The following SPMIP3 variants were observed in gnomAD, a reference collection of about 807,000 sequenced individuals.
SPMIP3 encodes the protein protein SPMIP3.
chr1:244,359,885 C>T, the SPMIP3 span, among the ~76,000 whole-genome samples: 65,003 of 151,682 alleles, frequency 0.43, 14,284 homozygotes, highest in Middle Eastern at 0.53. Context: ...CCGAGGCTGG[C>T]GGATCACAAG....
At chr1:244,355,677 C>T in the SPMIP3 span, among the ~76,000 whole-genome samples, 43 of 152,290 alleles carry the variant, frequency 2.8e-4, no homozygotes, top group Non-Finnish European at 5.4e-4. Flanking sequence ...TGAGCCACCG[C>T]GCCCAGCCCC....
the SPMIP3 span, among the ~76,000 whole-genome samples, chr1:244,377,514 C>T: frequency 6.6e-6 from 1 of 152,214 alleles, no homozygotes; most frequent in African/African-American, 2.4e-5. Flanking sequence ...AGTTGTCCCA[C>T]TCTTTTTATT....
At chr1:244,360,542 ACACACACACACACACATGCATG>A in the SPMIP3 span, among the ~76,000 whole-genome samples, 72 of 62,696 alleles carry the variant, frequency 1.1e-3, 2 homozygotes, top group Admixed American at 2.4e-3. Flanking sequence ...ACACACACAC[ACACACACACACACACATGCATG>A]CATGGAATAT....
chr1:244,387,711 G>A, the SPMIP3 span, among the ~76,000 whole-genome samples: 1 of 152,168 alleles, frequency 6.6e-6, no homozygotes, highest in Non-Finnish European at 1.5e-5. Context: ...ATTACAGCAG[G>A]AGTGTAAGGA....
the SPMIP3 span, among the ~76,000 whole-genome samples, chr1:244,355,464 T>G: frequency 6.6e-6 from 1 of 151,298 alleles, no homozygotes; most frequent in Non-Finnish European, 1.5e-5. Context: ...CTCGGCTCAC[T>G]GCAACCTCTG....
chr1:244,382,600 G>GTTTTTTTTTT, the SPMIP3 span, among the ~76,000 whole-genome samples: 1 of 106,072 alleles, frequency 9.4e-6, no homozygotes. Context: ...TCTGGCTGCT[G>GTTTTTTTTTT]TTTTTTTTTT....
At chr1:244,370,793 C>T in the SPMIP3 span, among the ~76,000 whole-genome samples, 1 of 152,170 alleles carries the variant, frequency 6.6e-6, no homozygotes, top group Non-Finnish European at 1.5e-5. Flanking sequence ...GTTTGGAGAA[C>T]TGGGTTTGAT....
At chr1:244,375,946 C>T in the SPMIP3 span, among the ~76,000 whole-genome samples, 1 of 152,200 alleles carries the variant, frequency 6.6e-6, no homozygotes, top group Non-Finnish European at 1.5e-5. Flanking sequence ...GGATTACAGG[C>T]ATGAGCCATT....
At chr1:244,362,510 T>A in the SPMIP3 span, among the ~76,000 whole-genome samples, 1 of 152,250 alleles carries the variant, frequency 6.6e-6, no homozygotes, top group African/African-American at 2.4e-5. Flanking sequence ...TAATCCATGA[T>A]TGTCAATAGG....
chr1:244,369,829 A>T, the SPMIP3 span, among the ~76,000 whole-genome samples: 2 of 146,968 alleles, frequency 1.4e-5, no homozygotes, highest in African/African-American at 5.3e-5. Context: ...CTAATCTTTT[A>T]TTATGTAGAT....
the SPMIP3 span, among the ~76,000 whole-genome samples, chr1:244,361,476 A>T: frequency 6.6e-6 from 1 of 151,642 alleles, no homozygotes; most frequent in African/African-American, 2.4e-5. Context: ...TCATCTGCCC[A>T]CCTCGGCCTC....
At chr1:244,362,200 A>G in the SPMIP3 span, among the ~76,000 whole-genome samples, 17 of 152,352 alleles carry the variant, frequency 1.1e-4, no homozygotes, top group East Asian at 3.1e-3. Context: ...ACCGTTGTCT[A>G]TGAAAGGGAA....
the SPMIP3 span, among the ~76,000 whole-genome samples, chr1:244,381,519 A>C: frequency 6.6e-6 from 1 of 152,192 alleles, no homozygotes; most frequent in Non-Finnish European, 1.5e-5. Context: ...ACCACCTGCT[A>C]TGTATTGTGC....
At chr1:244,378,749 G>T in the SPMIP3 span, 1 of 1,215,774 alleles carries the variant, frequency 8.2e-7, no homozygotes, top group Non-Finnish European at 1.2e-6. Flanking sequence ...GACCAGTCGA[G>T]TTGGAGGCAT....
At chr1:244,370,893 CAG>C in the SPMIP3 span, among the ~76,000 whole-genome samples, 1 of 152,068 alleles carries the variant, frequency 6.6e-6, no homozygotes, top group African/African-American at 2.4e-5. Flanking sequence ...TCTTATAAAG[CAG>C]AGAGTTAATC....
chr1:244,356,926 T>C, the SPMIP3 span, among the ~76,000 whole-genome samples: 1 of 144,058 alleles, frequency 6.9e-6, no homozygotes, highest in East Asian at 2.0e-4. Context: ...TCCTTTTTTT[T>C]TTTTTTTTTT....
chr1:244,383,924 G>T, the SPMIP3 span, among the ~76,000 whole-genome samples: 1 of 152,234 alleles, frequency 6.6e-6, no homozygotes, highest in East Asian at 1.9e-4. Context: ...CAGAAGTAAT[G>T]ATTACAATTT....
chr1:244,375,408 C>G, the SPMIP3 span: 1 of 1,613,956 alleles, frequency 6.2e-7, no homozygotes. Flanking sequence ...ACGTTCAAGG[C>G]TATTACCCTG....
At chr1:244,371,814 C>T in the SPMIP3 span, among the ~76,000 whole-genome samples, 2 of 152,236 alleles carry the variant, frequency 1.3e-5, no homozygotes, top group East Asian at 1.9e-4. Context: ...AAGAAAGCTA[C>T]GTGTCCCACC....
Sources: gnomAD v4.1 joint callset for allele counts (sites outside exome capture counted in the v4.1 genomes callset) on GRCh38, gnomAD v4.1.1 for gene constraint, MANE v1.5 for transcripts, NCBI Gene and HGNC (gene_info 2026-07-23, HGNC 2026-07-21) for gene names.